Variants in SOWAHB observed in about 807,000 individuals in gnomAD.
SOWAHB encodes the protein sosondowah ankyrin repeat domain family member B.
Under a neutral mutation model 18.3 loss-of-function variants are expected in SOWAHB, and 17 were observed. The observed-to-expected ratio is 0.93, with a 90% CI of 0.64 to 1.40. The LOEUF (loss-of-function observed/expected upper bound fraction) is 1.40, where lower values mean the gene tolerates loss of function less well. Ranked by LOEUF, SOWAHB falls within the 40% of genes most tolerant of loss-of-function variation. The probability of loss-of-function intolerance (pLI) is 0.00; values close to 1 mark genes in which losing one functional copy is unlikely to be tolerated. For synonymous variants in SOWAHB, 496 were observed against 448.1 expected (o/e 1.11, Z -1.35); for missense variants, 1,126 against 1,033.7 (o/e 1.09, Z -1.22).
At position 76,896,073 on chromosome 4, in the gene SOWAHB, G is replaced by A. The variant is rs751325823; in HGVS notation, c.1777C>T (p.Leu593=). The change falls in exon 1 of 1, where the codon CTA becomes TTA. Residue 593 remains leucine, a synonymous_variant. Coordinates refer to ENST00000334306, the MANE Select transcript of SOWAHB (RefSeq NM_001029870.3). ...ATCCACTCATGCTCCCTGGCATCTAGTGGAACCAGGGATGATTTGTGCTCA... is the reference window on the plus strand; with the variant it reads ...ATCCACTCATGCTCCCTGGCATCTAATGGAACCAGGGATGATTTGTGCTCA... ...TSEHKSSLVP[L]DAREHEWIVK... 72 of 1,597,186 alleles carry A rather than the reference G, an allele frequency of 4.5e-5. No homozygotes were observed. The highest frequency in any genetic ancestry group is 6.1e-5 in the Non-Finnish European group (72 of 1,172,138).
Position 76,895,454 on chromosome 4 carries a change from C to G in SOWAHB, c.*14G>C. 1 of 1,569,332 alleles carries G rather than the reference C, an allele frequency of 6.4e-7. No homozygotes were observed. The highest frequency in any genetic ancestry group is 8.6e-7 in the Non-Finnish European group (1 of 1,156,902). On this transcript the variant is annotated 3_prime_UTR_variant, in exon 1 of 1. Transcript: ENST00000334306. ...GAGGGAGTGCTGCCTGCATGTTGGA[C>G]AGAGAGACCCACCTCAGTCACTATA... is the stretch of plus-strand genomic sequence containing the variant.
At position 76,897,919 on chromosome 4, in the gene SOWAHB, AC is replaced by A. The variant is rs1462354684; in HGVS notation, c.-71del. 6 of 1,464,638 alleles carry A rather than the reference AC, an allele frequency of 4.1e-6. No homozygotes were observed. The African/African-American group carries it at 5.6e-5, about 14-fold the overall frequency. 90.7% of individuals were successfully genotyped at this position (1,464,638 alleles called of 1,614,324 possible). On this transcript the variant is annotated 5_prime_UTR_variant, in exon 1 of 1. Transcript: ENST00000334306. The surrounding 1 kb of genome is among the most constrained non-coding windows in gnomAD (Gnocchi z 6.4). ...CCGGGGCTCTCCCCAGCCAGAGGAA[AC>A]CCTGGCCGGGCGAGTGTCACCTGCG...
In SOWAHB at chr4:76,896,048, A is replaced by C; in HGVS notation, c.1802T>G (p.Ile601Ser). 2 of 1,609,524 alleles carry C rather than the reference A, an allele frequency of 1.2e-6. No homozygotes were observed. Among genetic ancestry groups the C allele is most frequent in the Non-Finnish European group, 1.7e-6 (2 of 1,178,046 alleles). Residue 601 changes from isoleucine to serine, a missense_variant, in exon 1 of 1, where the codon ATT becomes AGT. Transcript: ENST00000334306. ...VPLDAREHEW[I>S]VKLASGSWIQ... ...CCAGGAGCCACTGGCAAGCTTCACAATCCACTCATGCTCCCTGGCATCTAG... is the reference window on the plus strand; with the variant it reads ...CCAGGAGCCACTGGCAAGCTTCACACTCCACTCATGCTCCCTGGCATCTAG...
Position 76,896,378 on chromosome 4 carries a change from TTAGG to T in SOWAHB, c.1468_1471del (p.Pro490SerfsTer2), listed in dbSNP as rs1719912875. The T allele has an allele frequency of 1.3e-6, 2 of 1,598,186 alleles. No homozygotes were observed. Among genetic ancestry groups the T allele is most frequent in the East Asian group, 4.5e-5 (2 of 44,560 alleles). Reference sequence around the variant, plus strand: ...GCTCCTCCTGAGGGACCTCCTTAACTTAGGAACTGGCCAAGGCAAAGGCTTCAGG... The same window carrying T: ...GCTCCTCCTGAGGGACCTCCTTAACTAACTGGCCAAGGCAAAGGCTTCAGG... On this transcript the variant is annotated frameshift_variant, in exon 1 of 1. Transcript: ENST00000334306. LOFTEE classifies it low-confidence loss of function (END_TRUNC).
Position 76,897,709 on chromosome 4 carries a change from G to A in SOWAHB, c.141C>T (p.Arg47=). The A allele has an allele frequency of 1.9e-6, 3 of 1,611,342 alleles. No individual in the cohort carries two copies. Among genetic ancestry groups the A allele is most frequent in the Non-Finnish European group, 2.5e-6 (3 of 1,179,912 alleles). ...PDASPSQHQH[R]RELFKGFVNS... is the part of the protein sequence containing the mutation. ...TGACGAAGCCCTTGAAGAGCTCGCGGCGGTGCTGGTGCTGGCTGGGGGACG... is the reference window on the plus strand; with the variant it reads ...TGACGAAGCCCTTGAAGAGCTCGCGACGGTGCTGGTGCTGGCTGGGGGACG... The change falls in exon 1 of 1, where the codon CGC becomes CGT. Residue 47 remains arginine (R), a synonymous_variant. Coordinates refer to ENST00000334306, the MANE Select transcript of SOWAHB (RefSeq NM_001029870.3). This position sits in a 1 kb window ranked among gnomAD's most constrained non-coding sequence, Gnocchi z 6.4.
chr4:76,897,236 A>C lies in SOWAHB; in HGVS notation c.614T>G (p.Leu205Arg). The change falls in exon 1 of 1, where the codon CTG becomes CGG. Residue 205 changes from leucine (L) to arginine (R), a missense_variant. Physicochemically the swap from Leu to Arg is moderately radical, Grantham distance 102. Transcript: ENST00000334306. This position sits in a 1 kb window ranked among gnomAD's most constrained non-coding sequence, Gnocchi z 6.4. ...GCCGAGCTCTCCCGGCAGTACAGCC[A>C]GGTTGTTCTGGAGGCATTCCCAGCA... Reference protein sequence around the residue: ...RCCWECLQNNLAVLPGELGAL... With the variant: ...RCCWECLQNNRAVLPGELGAL... 1 of 1,581,046 alleles carries C rather than the reference A, an allele frequency of 6.3e-7. No homozygotes were observed. Among genetic ancestry groups the C allele is most frequent in the Non-Finnish European group, 8.5e-7 (1 of 1,171,838 alleles).
In SOWAHB at chr4:76,897,313, T is replaced by G. The variant is rs773588995; in HGVS notation, c.537A>C (p.Ala179=). The G allele has an allele frequency of 1.4e-5, 22 of 1,539,614 alleles. No homozygotes were observed. Among genetic ancestry groups the G allele is most frequent in the Non-Finnish European group, 8.7e-7 (1 of 1,149,204 alleles). ...CGCAGCTCGCTCTCGCCTGGGCCCC[T>G]GCCGCTGCAGCTGCGGGCACCGGCG... is the stretch of plus-strand genomic sequence containing the variant. The part of the protein sequence containing the change: ...QRPPVPAAAA[A]GAQARASCAA... Residue 179 remains alanine (A), a synonymous_variant, in exon 1 of 1, where the codon GCA becomes GCC. Transcript: ENST00000334306. The surrounding 1 kb of genome is among the most constrained non-coding windows in gnomAD (Gnocchi z 6.4).
Position 76,896,804 on chromosome 4 carries a change from G to C in SOWAHB, c.1046C>G (p.Ser349Ter), listed in dbSNP as rs770913649. ...PLEPGSTEPNSEPPDPCLSSH... is the reference protein window; with the variant it reads ...PLEPGSTEPN ...GGAAAGACAGGGGTCTGGCGGCTCT[G>C]AATTAGGCTCCGTGGAGCCGGGTTC... Residue 349 changes from serine to a stop codon, truncating the protein, a stop_gained, in exon 1 of 1, where the codon TCA (serine) becomes TGA (stop). Coordinates refer to ENST00000334306, the MANE Select transcript of SOWAHB (RefSeq NM_001029870.3). LOFTEE classifies it low-confidence loss of function (END_TRUNC). 6.2e-7 allele frequency: 1 copy of C among 1,613,896 alleles called. No homozygotes were observed. The highest frequency in any genetic ancestry group is 8.5e-7 in the Non-Finnish European group (1 of 1,180,042).
Position 76,896,157 on chromosome 4 carries a change from G to T in SOWAHB, c.1693C>A (p.His565Asn). The T allele has an allele frequency of 6.4e-7, 1 of 1,559,266 alleles. No individual in the cohort carries two copies. Among genetic ancestry groups the T allele is most frequent in the East Asian group, 2.3e-5 (1 of 44,384 alleles). ...KAVVAERGWR[H>N]SLWVPSGEGS... The stretch of plus-strand genomic sequence containing the variant: ...TCCCCACTGGGGACCCACAGGCTGT[G>T]TCGCCAACCCCGCTCGGCCACAACA... The change falls in exon 1 of 1, where the codon CAC becomes AAC. Residue 565 changes from histidine (H) to asparagine (N), a missense_variant. His to Asn is a moderately conservative substitution (Grantham distance 68). Coordinates refer to ENST00000334306, the MANE Select transcript of SOWAHB (RefSeq NM_001029870.3).
At position 76,897,334 on chromosome 4, in the gene SOWAHB, C is replaced by T. The variant is rs776063378; in HGVS notation, c.516G>A (p.Pro172=). 43 of 1,538,118 alleles carry T rather than the reference C, an allele frequency of 2.8e-5. No homozygotes were observed. The East Asian group carries it at 8.3e-4, about 30-fold the overall frequency. Residue 172 remains proline, a synonymous_variant, in exon 1 of 1, where the codon CCG becomes CCA. Coordinates refer to ENST00000334306, the MANE Select transcript of SOWAHB (RefSeq NM_001029870.3). This position sits in a 1 kb window ranked among gnomAD's most constrained non-coding sequence, Gnocchi z 6.4. ...CCCCTGCCGCTGCAGCTGCGGGCACCGGCGGCCTCTGTCCGGGACTGCCCT... is the reference window on the plus strand; with the variant it reads ...CCCCTGCCGCTGCAGCTGCGGGCACTGGCGGCCTCTGTCCGGGACTGCCCT... ...GSKGSPGQRP[P]VPAAAAAGAQ...
Position 76,896,093 on chromosome 4 carries a change from T to G in SOWAHB, c.1757A>C (p.His586Pro), listed in dbSNP as rs753225043. ...AALAPHRTSEHKSSLVPLDAR... is the reference protein window; with the variant it reads ...AALAPHRTSEPKSSLVPLDAR... ...ATCTAGTGGAACCAGGGATGATTTG[T>G]GCTCAGAAGTTCTGTGGGGGGCCAA... Residue 586 changes from histidine (H) to proline (P), a missense_variant, in exon 1 of 1, where the codon CAC becomes CCC. Transcript: ENST00000334306. 6 of 1,586,202 alleles carry G rather than the reference T, an allele frequency of 3.8e-6. No homozygotes were observed. The African/African-American group carries it at 6.7e-5, about 18-fold the overall frequency.
rs761119741 is a variant in SOWAHB, at chr4:76,897,016, GC to G, written c.833del (p.Gly278AlafsTer12). On this transcript the variant is annotated frameshift_variant, in exon 1 of 1. Transcript: ENST00000334306. LOFTEE classifies it low-confidence loss of function (END_TRUNC). This position sits in a 1 kb window ranked among gnomAD's most constrained non-coding sequence, Gnocchi z 6.4. ...SRASPPALLP[G>X]PAPRGDRPEL... The stretch of plus-strand genomic sequence containing the variant: ...CCGGCCGGTCTCCGCGGGGAGCGGG[GC>G]CGGGCAGGAGAGCAGGCGGGGAAGC... 2 of 1,559,494 alleles carry G rather than the reference GC, an allele frequency of 1.3e-6. No homozygotes were observed. Among genetic ancestry groups the G allele is most frequent in the South Asian group, 2.3e-5 (2 of 86,434 alleles).
At position 76,894,755 on chromosome 4, in the gene SOWAHB, C is replaced by T. The variant is rs149182901; in HGVS notation, c.*713G>A. Among the ~76,000 whole-genome samples, 182 of 152,288 alleles carry T rather than the reference C, an allele frequency of 1.2e-3. 1 individual carries two copies. The highest frequency in any genetic ancestry group is 3.7e-3 in the Admixed American group (56 of 15,292). ...AAAAAAGCAGGGCCTGAATGACAGT[C>T]ATTCCTCTTAGGAATGGAGTCCAAG... On this transcript the variant is annotated 3_prime_UTR_variant, in exon 1 of 1. Transcript: ENST00000334306.
Position 76,896,287 on chromosome 4 carries a change from T to A in SOWAHB, c.1563A>T (p.Lys521Asn). The A allele has an allele frequency of 6.2e-7, 1 of 1,608,180 alleles. No homozygotes were observed. Among genetic ancestry groups the A allele is most frequent in the East Asian group, 2.2e-5 (1 of 44,708 alleles). The change falls in exon 1 of 1, where the codon AAA (lysine) becomes AAT (asparagine). Residue 521 changes from lysine (K) to asparagine (N), a missense_variant. By Grantham distance (94) the Lys-to-Asn change is moderately conservative. Coordinates refer to ENST00000334306, the MANE Select transcript of SOWAHB (RefSeq NM_001029870.3). ...TGGATCGAGGTGGGCGCCGACTTCTTTTCAGCAAGCCCTCATCGAGGTACT... is the reference window on the plus strand; with the variant it reads ...TGGATCGAGGTGGGCGCCGACTTCTATTCAGCAAGCCCTCATCGAGGTACT... ...DEEYLDEGLLKRSRRPPRSRK... is the reference protein window; with the variant it reads ...DEEYLDEGLLNRSRRPPRSRK...
chr4:76,895,749 C>T lies in SOWAHB; in HGVS notation c.2101G>A (p.Asp701Asn). 2 of 1,614,228 alleles carry T rather than the reference C, an allele frequency of 1.2e-6. No individual in the cohort carries two copies. Among genetic ancestry groups the T allele is most frequent in the South Asian group, 2.2e-5 (2 of 91,082 alleles). Reference sequence around the variant, plus strand: ...TGCCATGGCTTCTTCCCACTGCTGTCCCTGACATTTACCCGAGAAGCCAAC... The same window carrying T: ...TGCCATGGCTTCTTCCCACTGCTGTTCCTGACATTTACCCGAGAAGCCAAC... Reference protein sequence around the residue: ...QRLASRVNVRDSSGKKPWQYL... With the variant: ...QRLASRVNVRNSSGKKPWQYL... The change falls in exon 1 of 1, where the codon GAC becomes AAC. Residue 701 changes from aspartate (D) to asparagine (N), a missense_variant. Physicochemically the swap from Asp to Asn is conservative, Grantham distance 23. Coordinates refer to ENST00000334306, the MANE Select transcript of SOWAHB (RefSeq NM_001029870.3).
chr4:76,897,338 G>T lies in SOWAHB; in HGVS notation c.512C>A (p.Pro171Gln). ...GGSKGSPGQR[P>Q]PVPAAAAAGA... ...TGCCGCTGCAGCTGCGGGCACCGGC[G>T]GCCTCTGTCCGGGACTGCCCTTCGA... Residue 171 changes from proline to glutamine, a missense_variant, in exon 1 of 1, where the codon CCG (proline) becomes CAG (glutamine). Coordinates refer to ENST00000334306, the MANE Select transcript of SOWAHB (RefSeq NM_001029870.3). This position sits in a 1 kb window ranked among gnomAD's most constrained non-coding sequence, Gnocchi z 6.4. The T allele has an allele frequency of 1.3e-6, 2 of 1,537,790 alleles. No homozygotes were observed. The highest frequency in any genetic ancestry group is 1.2e-5 in the South Asian group (1 of 84,184).
At position 76,897,500 on chromosome 4, in the gene SOWAHB, T is replaced by C. The variant is rs986528557; in HGVS notation, c.350A>G (p.Gln117Arg). 15 of 1,451,890 alleles carry C rather than the reference T, an allele frequency of 1.0e-5. No homozygotes were observed. Among genetic ancestry groups the C allele is most frequent in the Middle Eastern group, 4.8e-4 (2 of 4,184 alleles). 89.9% of individuals were successfully genotyped at this position (1,451,890 alleles called of 1,614,324 possible). A position where few individuals can be genotyped will look rare whatever the true frequency, so the allele number is the denominator to read the frequency against. ...PRGARRGEPP[Q>R]QQPRRRRREK... ...GCGCCGCCGCCGCCTGGGCTGCTGC[T>C]GGGGCGGCTCCCCCCGGCGCGCGCC... Residue 117 changes from glutamine (Q) to arginine (R), a missense_variant, in exon 1 of 1, where the codon CAG (glutamine) becomes CGG (arginine). Gln to Arg is a conservative substitution (Grantham distance 43). Transcript: ENST00000334306. The surrounding 1 kb of genome is among the most constrained non-coding windows in gnomAD (Gnocchi z 6.4).
At position 76,895,867 on chromosome 4, in the gene SOWAHB, A is replaced by G. The variant is rs1489980342; in HGVS notation, c.1983T>C (p.Leu661=). The G allele has an allele frequency of 6.2e-7, 1 of 1,614,182 alleles. No homozygotes were observed. The highest frequency in any genetic ancestry group is 8.5e-7 in the Non-Finnish European group (1 of 1,180,024). Residue 661 remains leucine, a synonymous_variant, in exon 1 of 1, where the codon CTT becomes CTC. Coordinates refer to ENST00000334306, the MANE Select transcript of SOWAHB (RefSeq NM_001029870.3). ...VSGAKKAGIV[L]DVNVRSSCGY... ...CACAACTGGACCTCACGTTTACATCAAGGACAATCCCTGCCTTCTTTGCTC... is the reference window on the plus strand; with the variant it reads ...CACAACTGGACCTCACGTTTACATCGAGGACAATCCCTGCCTTCTTTGCTC...
rs762672536 is a variant in SOWAHB at position 76,895,755 on chromosome 4, C to A, written c.2095G>T (p.Val699Phe). The A allele has an allele frequency of 1.2e-6, 2 of 1,614,140 alleles. No individual in the cohort carries two copies. Among genetic ancestry groups the A allele is most frequent in the Admixed American group, 1.7e-5 (1 of 60,012 alleles). ...LVQRLASRVN[V>F]RDSSGKKPWQ... ...GGCTTCTTCCCACTGCTGTCCCTGA[C>A]ATTTACCCGAGAAGCCAACCTTTGC... Residue 699 changes from valine to phenylalanine, a missense_variant, in exon 1 of 1, where the codon GTC becomes TTC. Physicochemically the swap from Val to Phe is conservative, Grantham distance 50. Coordinates refer to ENST00000334306, the MANE Select transcript of SOWAHB (RefSeq NM_001029870.3).
Sources: gnomAD v4.1 joint callset for allele counts (sites outside exome capture counted in the v4.1 genomes callset) on GRCh38, gnomAD v4.1.1 for gene constraint, Gnocchi (gnomAD v3.1) non-coding constraint, MANE v1.5 for transcripts, NCBI Gene and HGNC (gene_info 2026-07-23, HGNC 2026-07-21) for gene names.